ERI3: variants seen among roughly 807,000 people sequenced by gnomAD.
ERI3 encodes the protein ERI1 exoribonuclease family member 3.
ERI3 carries 18 observed loss-of-function variants against 44.4 expected under a neutral mutation model. That is an observed-to-expected ratio of 0.41 (90% CI 0.28 to 0.60). ERI3 has a LOEUF of 0.60. Ranked by LOEUF, ERI3 falls within the 20% of genes least tolerant of loss-of-function variation. ERI3 has a pLI of 0.36. For missense variants in ERI3, 294 were observed against 435.5 expected, an observed-to-expected ratio of 0.68 and a Z score of 2.89; for synonymous variants, 183 against 164.8, an observed-to-expected ratio of 1.11 and a Z score of -0.84.
At chr1:44,313,379 G>C in intron 4 of ERI3, 151 bp from the exon 5 acceptor site, 1 of 676,388 alleles carries the variant, frequency 1.5e-6, no homozygotes, top group Non-Finnish European at 2.6e-6. Flanking sequence ...TAGAAGACTT[G>C]GGAATAAAGT....
chr1:44,342,732 G>C (rs1395522421), intron 2 of ERI3, among the ~76,000 whole-genome samples: 3 of 134,842 alleles, frequency 2.2e-5, no homozygotes, highest in Admixed American at 7.7e-5. Context: ...CTGCAGCCTC[G>C]AACTCCCACG....
chr1:44,300,807 C>T (rs1572221367), intron 6 of ERI3, among the ~76,000 whole-genome samples: 1 of 152,334 alleles, frequency 6.6e-6, no homozygotes, highest in East Asian at 1.9e-4. Context: ...GCACCCCTAG[C>T]TCCTCCAAGC....
intron 1 of ERI3, 149 bp downstream of exon 1, chr1:44,354,743 G>A (rs1030197303): frequency 4.0e-6 from 5 of 1,238,422 alleles, no homozygotes; most frequent in Admixed American, 8.6e-5. Flanking sequence ...CTCCCCCTCC[G>A]CCAGAACATT....
At chr1:44,223,657 A>G (rs1340444383) in intron 8 of ERI3, among the ~76,000 whole-genome samples, 1 of 152,142 alleles carries the variant, frequency 6.6e-6, no homozygotes, top group Non-Finnish European at 1.5e-5. Context: ...TCATTGCTGG[A>G]CAAATCGTTC....
intron 3 of ERI3, among the ~76,000 whole-genome samples, chr1:44,333,313 A>C (rs946228474): frequency 1.3e-5 from 2 of 152,232 alleles, no homozygotes; most frequent in Non-Finnish European, 2.9e-5. Flanking sequence ...AGTTTAGAAG[A>C]ATAGCGTCAG....
intron 7 of ERI3, among the ~76,000 whole-genome samples, chr1:44,281,268 A>ACCTG (rs1308498101): frequency 6.6e-6 from 1 of 152,144 alleles, no homozygotes; most frequent in South Asian, 2.1e-4. Context: ...CTCACACAGT[A>ACCTG]CCTGGCACAC....
At chr1:44,283,737 C>G (rs148929605) in intron 7 of ERI3, among the ~76,000 whole-genome samples, 55 of 152,316 alleles carry the variant, frequency 3.6e-4, no homozygotes, top group African/African-American at 1.2e-3. Flanking sequence ...GAACTAAGTC[C>G]AAGGTCATTG....
intron 3 of ERI3, 105 bp from the exon 4 acceptor site, chr1:44,319,849 GT>G: frequency 2.3e-6 from 2 of 881,612 alleles, no homozygotes; most frequent in South Asian, 3.2e-5. Flanking sequence ...ATTCATTAGT[GT>G]TTTGGGTTCA....
At chr1:44,282,800 A>G (rs1369067108) in intron 7 of ERI3, among the ~76,000 whole-genome samples, 1 of 152,224 alleles carries the variant, frequency 6.6e-6, no homozygotes, top group Non-Finnish European at 1.5e-5. Context: ...AAGGCCAACT[A>G]GCAACAGAGT....
In ERI3 at chr1:44,221,291, G is replaced by A; in HGVS notation, c.*267C>T. ...GGCGGTGAGTGCCTGGGTCCCCCTAGCCCAGGCCCGCAATGGGAGGGGCTG... is the reference window on the plus strand; with the variant it reads ...GGCGGTGAGTGCCTGGGTCCCCCTAACCCAGGCCCGCAATGGGAGGGGCTG... On this transcript the variant is annotated 3_prime_UTR_variant, in exon 9 of 9. Coordinates refer to ENST00000372257, the MANE Select transcript of ERI3 (RefSeq NM_024066.3). This position sits in a 1 kb window ranked among gnomAD's most constrained non-coding sequence, Gnocchi z 5.9. 3 of 494,738 alleles carry A rather than the reference G, an allele frequency of 6.1e-6. No homozygotes were observed. The highest frequency in any genetic ancestry group is 1.1e-5 in the Non-Finnish European group (3 of 273,348). 30.6% of individuals were successfully genotyped at this position (494,738 alleles called of 1,614,324 possible). A position where few individuals can be genotyped will look rare whatever the true frequency, so the allele number is the denominator to read the frequency against.
chr1:44,347,879 TTG>T (rs113526509), intron 2 of ERI3, among the ~76,000 whole-genome samples: 120 of 148,700 alleles, frequency 8.1e-4, no homozygotes, highest in Middle Eastern at 3.4e-3. Context: ...GATTGTTTTG[TTG>T]TGTGTGTGTG....
chr1:44,251,170 T>C (rs904606521), intron 7 of ERI3, among the ~76,000 whole-genome samples: 4 of 152,244 alleles, frequency 2.6e-5, no homozygotes, highest in African/African-American at 9.6e-5. Context: ...TGCCAACATA[T>C]GGTCTGGATC....
chr1:44,290,456 T>C (rs1645482268), intron 6 of ERI3, among the ~76,000 whole-genome samples: 1 of 152,160 alleles, frequency 6.6e-6, no homozygotes, highest in African/African-American at 2.4e-5. Flanking sequence ...CAATACACTC[T>C]CAAAGAATGC....
intron 7 of ERI3, among the ~76,000 whole-genome samples, chr1:44,248,726 T>C (rs1644607672): frequency 6.6e-6 from 1 of 151,034 alleles, no homozygotes; most frequent in East Asian, 2.0e-4. Flanking sequence ...TGTGTGTGTG[T>C]GGTAGGGGGA....
chr1:44,221,645 A>G lies in ERI3; in HGVS notation c.932-5T>C, dbSNP rs759758457. Reference sequence around the variant, plus strand: ...TGGCAATGTTCTTGCAGTCGTCTAAAAAGGAGAGAAGACATTTAGATCAGC... The same window carrying G: ...TGGCAATGTTCTTGCAGTCGTCTAAGAAGGAGAGAAGACATTTAGATCAGC... On this transcript the variant is annotated splice_region_variant and splice_polypyrimidine_tract_variant and intron_variant, in intron 8 of 8. Transcript: ENST00000372257. This position sits in a 1 kb window ranked among gnomAD's most constrained non-coding sequence, Gnocchi z 5.9. 1 of 1,613,092 alleles carries G rather than the reference A, an allele frequency of 6.2e-7. No individual in the cohort carries two copies. Among genetic ancestry groups the G allele is most frequent in the Non-Finnish European group, 8.5e-7 (1 of 1,179,074 alleles).
chr1:44,235,971 C>T lies in ERI3; in HGVS notation c.931+11968G>A, dbSNP rs557044812. Among the ~76,000 whole-genome samples, 2 of 152,334 alleles carry T rather than the reference C, an allele frequency of 1.3e-5. No homozygotes were observed. Among genetic ancestry groups the T allele is most frequent in the East Asian group, 1.9e-4 (1 of 5,186 alleles). On this transcript the variant is annotated intron_variant, in intron 8 of 8. Coordinates refer to ENST00000372257, the MANE Select transcript of ERI3 (RefSeq NM_024066.3). This position sits in a 1 kb window ranked among gnomAD's most constrained non-coding sequence, Gnocchi z 4.6. ...AATATTTCATCCTCAAGCTGCTCAG[C>T]TAATCCCTATTAATTTCAATACCGC... is the stretch of plus-strand genomic sequence containing the variant.
chr1:44,287,489 C>T (rs1645417400), intron 6 of ERI3, among the ~76,000 whole-genome samples: 1 of 152,176 alleles, frequency 6.6e-6, no homozygotes, highest in African/African-American at 2.4e-5. Flanking sequence ...AGATATCTCA[C>T]CTGAATAAGA....
In ERI3 at chr1:44,314,554, C is replaced by G. The variant is rs375792964; in HGVS notation, c.607-1326G>C. On this transcript the variant is annotated intron_variant, in intron 4 of 8. Transcript: ENST00000372257. ...GCAAAGCTTTAACCCACAGCATGCC[C>G]ACCCGGCTGGCACCTCCACACCCTT... 4.1e-4 allele frequency among the ~76,000 whole-genome samples: 63 copies of G among 152,266 alleles called. 1 individual carries two copies. The East Asian group carries it at 9.4e-3, about 23-fold the overall frequency.
In ERI3 at chr1:44,293,313, G is replaced by A. The variant is rs1022919321; in HGVS notation, c.759-8406C>T. The stretch of plus-strand genomic sequence containing the variant: ...CCCCAAGGTGAGGCCGGGTGACCTC[G>A]GCAAGCCTCTCACTTTGTCTTGCCA... On this transcript the variant is annotated intron_variant, in intron 6 of 8. Coordinates refer to ENST00000372257, the MANE Select transcript of ERI3 (RefSeq NM_024066.3). 4.6e-5 allele frequency among the ~76,000 whole-genome samples: 7 copies of A among 152,172 alleles called. No individual in the cohort carries two copies. The East Asian group carries it at 1.2e-3, about 25-fold the overall frequency.
Sources: gnomAD v4.1 joint callset for allele counts (sites outside exome capture counted in the v4.1 genomes callset) on GRCh38, gnomAD v4.1.1 for gene constraint, Gnocchi (gnomAD v3.1) non-coding constraint, MANE v1.5 for transcripts, NCBI Gene and HGNC (gene_info 2026-07-23, HGNC 2026-07-21) for gene names.